MED4: variants seen among roughly 807,000 people sequenced by gnomAD.
MED4 encodes the protein mediator complex subunit 4.
A neutral mutation model predicts 35.0 loss-of-function variants in MED4; 21 were observed. The observed-to-expected ratio is 0.60, with a 90% CI of 0.43 to 0.86. The LOEUF is 0.86. MED4 is among the 40% of genes least tolerant of loss of function. The pLI, the probability that MED4 is intolerant of heterozygous loss-of-function variation, is 0.00. For synonymous variants in MED4, 138 were observed against 114.0 expected, an observed-to-expected ratio of 1.21 and a Z score of -1.34; for missense variants, 300 against 319.4, an observed-to-expected ratio of 0.94 and a Z score of 0.46.
chr13:48,081,800 TC>T, intron 4 of MED4, 69 bp from the exon 5 acceptor site: 11 of 899,860 alleles, frequency 1.2e-5, no homozygotes, highest in South Asian at 1.8e-5. Context: ...AATGTATCTA[TC>T]AGTTACACAT....
chr13:48,086,901 T>A (rs1950852497), intron 2 of MED4, among the ~76,000 whole-genome samples: 1 of 151,322 alleles, frequency 6.6e-6, no homozygotes, highest in Admixed American at 6.6e-5. Flanking sequence ...AATACAAAAA[T>A]TAGTTGGGTG....
rs957327948 is a variant in MED4, at chr13:48,076,649, C to T, written c.*490G>A. On this transcript the variant is annotated 3_prime_UTR_variant, in exon 7 of 7. Coordinates refer to ENST00000258648, the MANE Select transcript of MED4 (RefSeq NM_014166.4). Reference sequence around the variant, plus strand: ...GTACAAATTGAGACAATTTCCCATGCCTCCAACAGAAGCCAAGAGCCTTTA... The same window carrying T: ...GTACAAATTGAGACAATTTCCCATGTCTCCAACAGAAGCCAAGAGCCTTTA... 2 of 152,184 alleles carry T rather than the reference C, an allele frequency of 1.3e-5. No homozygotes were observed. Among genetic ancestry groups the T allele is most frequent in the Non-Finnish European group, 2.9e-5 (2 of 68,100 alleles). The allele number at this position is 152,184 out of a possible 1,614,324, so 9.4% of individuals were successfully genotyped here.
chr13:48,094,501 C>G (rs774194282), intron 1 of MED4, among the ~76,000 whole-genome samples: 10 of 152,160 alleles, frequency 6.6e-5, no homozygotes, highest in Non-Finnish European at 1.3e-4. Flanking sequence ...GCAGCACTTT[C>G]TTCAGAGGGC....
At chr13:48,094,918 C>T (rs1255897705) in intron 1 of MED4, 36 bp downstream of exon 1, 3 of 1,597,820 alleles carry the variant, frequency 1.9e-6, no homozygotes, top group Non-Finnish European at 1.7e-6. Context: ...GTCCCCCGGC[C>T]CAGCTCCAGC....
chr13:48,081,635 G>C lies in MED4; in HGVS notation c.508+10C>G. On this transcript the variant is annotated intron_variant, in intron 5 of 6. Transcript: ENST00000258648. ...ACATATATCTAGTATAATAAGACGA[G>C]TATGTTTACCTGGAACCCAGGTCAG... The C allele has an allele frequency of 1.9e-6, 3 of 1,595,872 alleles. No individual in the cohort carries two copies. Among genetic ancestry groups the C allele is most frequent in the Non-Finnish European group, 2.6e-6 (3 of 1,167,066 alleles).
chr13:48,092,269 G>T (rs979520953), intron 1 of MED4, among the ~76,000 whole-genome samples: 6 of 151,164 alleles, frequency 4.0e-5, no homozygotes, highest in Non-Finnish European at 7.4e-5. Context: ...CACCACGCCC[G>T]GCTAATTTTG....
Position 48,076,495 on chromosome 13 carries a change from C to T in MED4, c.*644G>A, listed in dbSNP as rs749060483. ...TAATAGGTTTCAATTCAGTTAGTCACTCAAGTATTATAAAATGCAACTGGA... is the reference window on the plus strand; with the variant it reads ...TAATAGGTTTCAATTCAGTTAGTCATTCAAGTATTATAAAATGCAACTGGA... On this transcript the variant is annotated 3_prime_UTR_variant, in exon 7 of 7. Coordinates refer to ENST00000258648, the MANE Select transcript of MED4 (RefSeq NM_014166.4). 1 of 152,044 alleles carries T rather than the reference C, an allele frequency of 6.6e-6. No individual in the cohort carries two copies. Among genetic ancestry groups the T allele is most frequent in the Non-Finnish European group, 1.5e-5 (1 of 68,004 alleles). 9.4% of individuals were successfully genotyped at this position (152,044 alleles called of 1,614,324 possible).
intron 4 of MED4, among the ~76,000 whole-genome samples, chr13:48,082,290 G>A (rs1206033531): frequency 8.6e-5 from 13 of 151,092 alleles, no homozygotes; most frequent in African/African-American, 1.7e-4. Context: ...CATACTCACA[G>A]ATCTAGAAAA....
chr13:48,082,878 G>C (rs1950820132), intron 4 of MED4, among the ~76,000 whole-genome samples: 1 of 152,096 alleles, frequency 6.6e-6, no homozygotes, highest in Admixed American at 6.5e-5. Flanking sequence ...TTGAAAAAGG[G>C]ACAGCAGGGC....
rs1470878454 is a variant in MED4 at position 48,076,587 on chromosome 13, C to T, written c.*552G>A. On this transcript the variant is annotated 3_prime_UTR_variant, in exon 7 of 7. Coordinates refer to ENST00000258648, the MANE Select transcript of MED4 (RefSeq NM_014166.4). ...AACTAAAAAAAAAGCATACAATGTA[C>T]AAACAAATTTATTTACAAAAATTAC... The T allele has an allele frequency of 7.4e-6, 1 of 135,724 alleles. No homozygotes were observed. Among genetic ancestry groups the T allele is most frequent in the Non-Finnish European group, 1.7e-5 (1 of 58,292 alleles). The allele number at this position is 135,724 out of a possible 1,614,324, so 8.4% of individuals were successfully genotyped here. A position where few individuals can be genotyped will look rare whatever the true frequency, so the allele number is the denominator to read the frequency against.
intron 4 of MED4, among the ~76,000 whole-genome samples, chr13:48,082,737 G>C (rs975859251): frequency 6.6e-6 from 1 of 152,008 alleles, no homozygotes; most frequent in Non-Finnish European, 1.5e-5. Context: ...TGAGGCAGGA[G>C]AGTGGCGTGA....
At position 48,089,310 on chromosome 13, in the gene MED4, A is replaced by C. The variant is rs548318706; in HGVS notation, c.192+1042T>G. Among the ~76,000 whole-genome samples, 12 of 152,322 alleles carry C rather than the reference A, an allele frequency of 7.9e-5. No individual in the cohort carries two copies. The South Asian group carries it at 1.9e-3, about 24-fold the overall frequency. On this transcript the variant is annotated intron_variant, in intron 2 of 6. Transcript: ENST00000258648. Reference sequence around the variant, plus strand: ...CTGACACTTTTCTATTGAGTCCGTCAGATTTCCCTGCCCTCAAAACGTAAG... The same window carrying C: ...CTGACACTTTTCTATTGAGTCCGTCCGATTTCCCTGCCCTCAAAACGTAAG...
intron 2 of MED4, among the ~76,000 whole-genome samples, chr13:48,088,879 T>C (rs185216232): frequency 6.6e-6 from 1 of 152,266 alleles, no homozygotes; most frequent in East Asian, 1.9e-4. Context: ...CCCTCTCTAA[T>C]AGTAACAGTT....
Position 48,090,706 on chromosome 13 carries a change from A to G in MED4, c.126-288T>C, listed in dbSNP as rs193192756. On this transcript the variant is annotated intron_variant, in intron 1 of 6. Transcript: ENST00000258648. ...AGGCTTGCAAAGGACAGCTATAAAG[A>G]AAGGACCAGGGAAAAGTCATAAAAA... 1.4e-3 allele frequency among the ~76,000 whole-genome samples: 208 copies of G among 152,296 alleles called. 1 individual carries two copies. The highest frequency in any genetic ancestry group is 1.3e-3 in the East Asian group (7 of 5,188).
At chr13:48,088,762 G>A (rs1227889773) in intron 2 of MED4, among the ~76,000 whole-genome samples, 2 of 152,172 alleles carry the variant, frequency 1.3e-5, no homozygotes, top group African/African-American at 4.8e-5. Context: ...TATTCTCACA[G>A]GAGGTTGAAC....
At chr13:48,083,919 A>AAGTTAACCT (rs1268734526) in intron 3 of MED4, among the ~76,000 whole-genome samples, 4 of 152,206 alleles carry the variant, frequency 2.6e-5, no homozygotes, top group Non-Finnish European at 4.4e-5. Context: ...GGACAAAATG[A>AAGTTAACCT]AGTTAACCTA....
At chr13:48,090,002 A>G (rs1950879733) in intron 2 of MED4, among the ~76,000 whole-genome samples, 1 of 152,206 alleles carries the variant, frequency 6.6e-6, no homozygotes, top group African/African-American at 2.4e-5. Flanking sequence ...TAAGTTTTTG[A>G]GCATTAACTT....
Position 48,090,344 on chromosome 13 carries a change from C to T in MED4, c.192+8G>A. ...AGAAATTAACTAATTTAAAAAGAAG[C>T]CACTTACCTGGTTTTCCTCTCCAGC... On this transcript the variant is annotated splice_region_variant and intron_variant, in intron 2 of 6. Coordinates refer to ENST00000258648, the MANE Select transcript of MED4 (RefSeq NM_014166.4). 1 of 1,564,802 alleles carries T rather than the reference C, an allele frequency of 6.4e-7. No individual in the cohort carries two copies. The highest frequency in any genetic ancestry group is 8.6e-7 in the Non-Finnish European group (1 of 1,161,548).
intron 6 of MED4, among the ~76,000 whole-genome samples, chr13:48,078,656 C>T (rs947813039): frequency 2.0e-5 from 3 of 152,194 alleles, no homozygotes; most frequent in Admixed American, 6.5e-5. Context: ...ATGAGAGTAT[C>T]GGCCTTGGGA....
Sources: gnomAD v4.1 joint callset for allele counts (sites outside exome capture counted in the v4.1 genomes callset) on GRCh38, gnomAD v4.1.1 for gene constraint, MANE v1.5 for transcripts, NCBI Gene and HGNC (gene_info 2026-07-23, HGNC 2026-07-21) for gene names.